POLR3B: variants seen among roughly 807,000 people sequenced by gnomAD.
POLR3B encodes RNA polymerase III subunit B, also known as DNA-directed RNA polymerase III subunit RPC2.
A neutral mutation model predicts 147.4 loss-of-function variants in POLR3B; 96 were observed. The observed-to-expected ratio is 0.65, with a 90% CI of 0.55 to 0.77. The LOEUF (loss-of-function observed/expected upper bound fraction) is 0.77, where lower values mean the gene tolerates loss of function less well. Among genes scored for constraint, POLR3B ranks in the 30% least tolerant of loss-of-function variants. The probability of loss-of-function intolerance (pLI) is 0.00; values close to 1 mark genes in which losing one functional copy is unlikely to be tolerated. For synonymous variants in POLR3B, 461 were observed against 485.9 expected (o/e 0.95, Z 0.67); for missense variants, 1,036 against 1,413.5 (o/e 0.73, Z 4.28).
chr12:106,357,980 G>C (rs1337215134), intron 1 of POLR3B, 29 bp downstream of exon 1: 2 of 1,609,686 alleles, frequency 1.2e-6, no homozygotes, highest in South Asian at 1.1e-5. Flanking sequence ...GGGAGCGTCA[G>C]GGACAAGGAT....
At chr12:106,366,890 G>A (rs1329417460) in intron 4 of POLR3B, among the ~76,000 whole-genome samples, 168 bp downstream of exon 4, 1 of 152,110 alleles carries the variant, frequency 6.6e-6, no homozygotes. Flanking sequence ...AATCACCTGG[G>A]GTCAAGAGTT....
chr12:106,427,103 C>A, intron 12 of POLR3B, 94 bp from the exon 13 acceptor site: 1 of 848,362 alleles, frequency 1.2e-6, no homozygotes, highest in Non-Finnish European at 1.8e-6. Flanking sequence ...GTTTCTCCAT[C>A]TTATTTTTTA....
chr12:106,455,323 T>C (rs74846921), intron 20 of POLR3B, among the ~76,000 whole-genome samples: 5,250 of 152,260 alleles, frequency 0.034, 104 homozygotes, highest in Middle Eastern at 0.075. Context: ...ATTTCTCTTT[T>C]TCCTTCCTGG....
At chr12:106,405,539 T>TACACACGCAC (rs2037138350) in intron 10 of POLR3B, among the ~76,000 whole-genome samples, 1 of 142,598 alleles carries the variant, frequency 7.0e-6, no homozygotes, top group South Asian at 2.4e-4. Context: ...GCTATATGTC[T>TACACACGCAC]ACACACACAC....
chr12:106,477,243 G>A (rs1308603336), intron 23 of POLR3B, among the ~76,000 whole-genome samples: 6 of 99,272 alleles, frequency 6.0e-5, no homozygotes, highest in East Asian at 2.1e-4. Flanking sequence ...CTCAAGCTGC[G>A]TGCTGGGAGA....
At chr12:106,418,578 C>T (rs2037335781) in intron 12 of POLR3B, among the ~76,000 whole-genome samples, 1 of 152,296 alleles carries the variant, frequency 6.6e-6, no homozygotes, top group Non-Finnish European at 1.5e-5. Context: ...AGCAGCTTAA[C>T]TTCTTTATTA....
chr12:106,476,869 G>A (rs896170072), intron 23 of POLR3B, among the ~76,000 whole-genome samples: 147 of 152,168 alleles, frequency 9.7e-4, no homozygotes, highest in African/African-American at 2.7e-3. Flanking sequence ...CTCTCAGCTC[G>A]TCAAAATCAT....
At chr12:106,463,057 T>C (rs1055320079) in intron 22 of POLR3B, among the ~76,000 whole-genome samples, 1 of 152,146 alleles carries the variant, frequency 6.6e-6, no homozygotes, top group Admixed American at 6.6e-5. Context: ...TTTCTAATAA[T>C]GTTTGTTATG....
chr12:106,398,227 G>C (rs183366105), intron 10 of POLR3B, among the ~76,000 whole-genome samples: 1 of 152,208 alleles, frequency 6.6e-6, no homozygotes, highest in Non-Finnish European at 1.5e-5. Flanking sequence ...ACGGAGTCTC[G>C]CTCATTGCTA....
intron 22 of POLR3B, among the ~76,000 whole-genome samples, chr12:106,461,770 C>G (rs893711898): frequency 4.6e-5 from 7 of 152,240 alleles, no homozygotes; most frequent in African/African-American, 1.4e-4. Context: ...GCCTGGCCCT[C>G]CCTATCAGTC....
intron 18 of POLR3B, among the ~76,000 whole-genome samples, chr12:106,440,885 G>C (rs61941915): frequency 6.6e-6 from 1 of 151,984 alleles, no homozygotes; most frequent in African/African-American, 2.4e-5. Context: ...AACTCTCAGC[G>C]TTACCCAATT....
chr12:106,470,357 T>C (rs574251487), intron 23 of POLR3B, among the ~76,000 whole-genome samples: 55 of 152,262 alleles, frequency 3.6e-4, no homozygotes, highest in African/African-American at 1.3e-3. Context: ...TCATCTAACC[T>C]TTTTTCAAGG....
Position 106,444,458 on chromosome 12 carries a change from G to A in POLR3B, c.1956-5G>A, listed in dbSNP as rs190752066. 40 of 1,613,646 alleles carry A rather than the reference G, an allele frequency of 2.5e-5. No individual in the cohort carries two copies. The African/African-American group carries it at 4.8e-4, about 19-fold the overall frequency. On this transcript the variant is annotated splice_polypyrimidine_tract_variant and splice_region_variant and intron_variant, in intron 18 of 27. Transcript: ENST00000228347. Reference sequence around the variant, plus strand: ...AAGATATGTGATTTTTACTTAACTTGTTAGAGACACCACCCACTTGGAGAT... The same window carrying A: ...AAGATATGTGATTTTTACTTAACTTATTAGAGACACCACCCACTTGGAGAT...
chr12:106,402,498 G>A (rs554216609), intron 10 of POLR3B, among the ~76,000 whole-genome samples: 9 of 152,230 alleles, frequency 5.9e-5, no homozygotes, highest in South Asian at 4.1e-4. Context: ...AGCCCGCATC[G>A]CCAAGTCAAT....
chr12:106,455,451 C>T (rs900314757), intron 20 of POLR3B, among the ~76,000 whole-genome samples: 1 of 151,986 alleles, frequency 6.6e-6, no homozygotes, highest in African/African-American at 2.4e-5. Context: ...CTCTTTTTTT[C>T]CTCCAAATGA....
At chr12:106,395,247 C>T (rs2036964244) in intron 10 of POLR3B, among the ~76,000 whole-genome samples, 1 of 152,016 alleles carries the variant, frequency 6.6e-6, no homozygotes, top group Non-Finnish European at 1.5e-5. Flanking sequence ...ATACCTGAGA[C>T]TGGGTAATTT....
Position 106,437,832 on chromosome 12 carries a change from T to A in POLR3B, c.1955+53T>A. On this transcript the variant is annotated intron_variant, in intron 18 of 27. Coordinates refer to ENST00000228347, the MANE Select transcript of POLR3B (RefSeq NM_018082.6). ...TAAAACGTGTTCTGACTATAGAAAC[T>A]ACCTTCTCTTTTACTGTCATCTTCA... is the stretch of plus-strand genomic sequence containing the variant. 3.1e-6 allele frequency: 3 copies of A among 960,568 alleles called. No homozygotes were observed. In the South Asian group the frequency reaches 4.0e-5, roughly 13 times the overall value. The allele number at this position is 960,568 out of a possible 1,614,324, so 59.5% of individuals were successfully genotyped here.
intron 23 of POLR3B, among the ~76,000 whole-genome samples, chr12:106,492,261 GTT>G (rs1483654832): frequency 2.0e-5 from 3 of 151,770 alleles, no homozygotes; most frequent in African/African-American, 7.3e-5. Flanking sequence ...GTCAGTTGCT[GTT>G]TAGAATTAGG....
chr12:106,388,207 G>A lies in POLR3B; in HGVS notation c.724-4824G>A, dbSNP rs2036866198. Among the ~76,000 whole-genome samples, 2 of 152,158 alleles carry A rather than the reference G, an allele frequency of 1.3e-5. 1 individual carries two copies. Among genetic ancestry groups the A allele is most frequent in the Admixed American group, 1.3e-4 (2 of 15,280 alleles). On this transcript the variant is annotated intron_variant, in intron 9 of 27. Transcript: ENST00000228347. ...CCCACTTTACATTTTGTATTCCCAA[G>A]TATGCTGCCTGCACTTATGATGGCA...
Sources: allele counts gnomAD v4.1 joint callset (sites outside exome capture counted in the v4.1 genomes callset), GRCh38; gene constraint gnomAD v4.1.1; transcripts MANE v1.5; gene names NCBI Gene and HGNC (gene_info 2026-07-23, HGNC 2026-07-21).